The following NOX4 variants were observed in gnomAD, a reference collection of about 807,000 sequenced individuals.
The protein encoded by NOX4 is NADPH oxidase 4.
Under a neutral mutation model 87.6 loss-of-function variants are expected in NOX4, and 69 were observed. The ratio of observed to expected loss-of-function variants is 0.79; its 90% CI spans 0.65 to 0.96. The LOEUF is 0.96. NOX4 is among the 40% of genes least tolerant of loss of function. NOX4 has a pLI of 0.00. For synonymous variants in NOX4, 275 were observed against 238.2 expected, an observed-to-expected ratio of 1.15 and a Z score of -1.42; for missense variants, 680 against 681.5, an observed-to-expected ratio of 1.00 and a Z score of 0.02.
At chr11:89,487,916 C>T (rs1946695526) in intron 2 of NOX4, among the ~76,000 whole-genome samples, 1 of 152,054 alleles carries the variant, frequency 6.6e-6, no homozygotes, top group Non-Finnish European at 1.5e-5. Context: ...TAAAATTAAA[C>T]ACTACTTCAT....
upstream of NOX4, among the ~76,000 whole-genome samples, chr11:89,494,788 TG>T (rs1361761633): frequency 6.6e-6 from 1 of 152,190 alleles, no homozygotes; most frequent in African/African-American, 2.4e-5. Context: ...TTAAGACAAG[TG>T]GGCCCTTCTG....
chr11:89,341,107 T>C (rs527429721), intron 14 of NOX4, among the ~76,000 whole-genome samples: 1 of 150,908 alleles, frequency 6.6e-6, no homozygotes, highest in African/African-American at 2.4e-5. Flanking sequence ...TAGTATTTCC[T>C]GGTCAGACAA....
chr11:89,534,963 C>T, the NOX4 span, among the ~76,000 whole-genome samples: 1 of 152,168 alleles, frequency 6.6e-6, no homozygotes, highest in Non-Finnish European at 1.5e-5. Flanking sequence ...TTTTTTCCCG[C>T]AATTTTAAAG....
chr11:89,562,850 TG>T, the NOX4 span, among the ~76,000 whole-genome samples: 48 of 152,348 alleles, frequency 3.2e-4, no homozygotes, highest in East Asian at 5.2e-3. Context: ...AATCTTATCT[TG>T]AATTGTAATC....
chr11:89,353,343 G>A (rs1318098644), intron 13 of NOX4, among the ~76,000 whole-genome samples: 8 of 152,126 alleles, frequency 5.3e-5, no homozygotes, highest in Non-Finnish European at 1.2e-4. Context: ...TGCCGCAGGT[G>A]CCCCTACCTT....
intron 12 of NOX4, among the ~76,000 whole-genome samples, chr11:89,357,602 C>T (rs1324162137): frequency 6.6e-6 from 1 of 151,940 alleles, no homozygotes; most frequent in African/African-American, 2.4e-5. Context: ...AAAAATCAAG[C>T]CAAAACCCAA....
chr11:89,545,014 A>C, the NOX4 span: 1 of 152,154 alleles, frequency 6.6e-6, no homozygotes, highest in Non-Finnish European at 1.5e-5. Flanking sequence ...CTTATTTAGC[A>C]AAGTCTCATG....
At chr11:89,444,088 C>T in intron 5 of NOX4, 47 bp downstream of exon 5, 1 of 1,510,068 alleles carries the variant, frequency 6.6e-7, no homozygotes, top group Non-Finnish European at 9.2e-7. Flanking sequence ...CCTCATTAGT[C>T]ATCTCATGAC....
intron 12 of NOX4, among the ~76,000 whole-genome samples, chr11:89,363,781 C>A (rs553359962): frequency 1.3e-5 from 2 of 151,948 alleles, no homozygotes; most frequent in African/African-American, 4.8e-5. Context: ...TTAAATCAAG[C>A]GAATGTCCTT....
chr11:89,553,929 T>A, the NOX4 span, among the ~76,000 whole-genome samples: 1 of 150,950 alleles, frequency 6.6e-6, no homozygotes. Flanking sequence ...TGGAGGGAAG[T>A]GCCTACCCAA....
chr11:89,455,449 G>C (rs531191998), intron 2 of NOX4, among the ~76,000 whole-genome samples: 2 of 152,032 alleles, frequency 1.3e-5, no homozygotes, highest in East Asian at 1.9e-4. Context: ...ATTTTTTACA[G>C]CTATGTATCC....
the NOX4 span, among the ~76,000 whole-genome samples, chr11:89,552,846 T>A: frequency 6.6e-6 from 1 of 151,490 alleles, no homozygotes; most frequent in Non-Finnish European, 1.5e-5. Flanking sequence ...TGAGTCAAAA[T>A]CAGAGCGGAA....
intron 2 of NOX4, among the ~76,000 whole-genome samples, chr11:89,471,067 C>T (rs768494679): frequency 2.0e-5 from 3 of 152,078 alleles, no homozygotes; most frequent in Non-Finnish European, 4.4e-5. Flanking sequence ...GGCCCATATC[C>T]CTATCTCCAC....
At chr11:89,417,311 GA>G (rs1942836765) in intron 8 of NOX4, among the ~76,000 whole-genome samples, 1 of 152,090 alleles carries the variant, frequency 6.6e-6, no homozygotes, top group Non-Finnish European at 1.5e-5. Flanking sequence ...TTTTTCAAAA[GA>G]AAATGAGGAA....
intron 7 of NOX4, among the ~76,000 whole-genome samples, chr11:89,423,033 C>T (rs796477915): frequency 2.0e-5 from 3 of 151,924 alleles, no homozygotes; most frequent in Non-Finnish European, 4.4e-5. Flanking sequence ...CTCCTGACCT[C>T]GTGATCCACC....
the NOX4 span, among the ~76,000 whole-genome samples, chr11:89,523,715 G>A: frequency 1.3e-5 from 2 of 152,166 alleles, no homozygotes; most frequent in Non-Finnish European, 1.5e-5. Flanking sequence ...CAAATTAGAA[G>A]CAATTCAATA....
chr11:89,387,818 C>T (rs1940823868), intron 11 of NOX4, among the ~76,000 whole-genome samples: 1 of 152,250 alleles, frequency 6.6e-6, no homozygotes, highest in African/African-American at 2.4e-5. Flanking sequence ...GGTGAGAGCA[C>T]ACCTTAATAA....
At chr11:89,563,497 T>C in the NOX4 span, among the ~76,000 whole-genome samples, 2 of 152,176 alleles carry the variant, frequency 1.3e-5, no homozygotes, top group Non-Finnish European at 2.9e-5. Context: ...ACTCCAACCG[T>C]ATTTGATCTC....
intron 12 of NOX4, among the ~76,000 whole-genome samples, chr11:89,364,172 A>G (rs1312029366): frequency 6.6e-6 from 1 of 152,060 alleles, no homozygotes; most frequent in Non-Finnish European, 1.5e-5. Flanking sequence ...GCTCAAGCCC[A>G]GGATTTTGAG....
Sources: allele counts gnomAD v4.1 joint callset (sites outside exome capture counted in the v4.1 genomes callset), GRCh38; gene constraint gnomAD v4.1.1; transcripts MANE v1.5; gene names NCBI Gene and HGNC (gene_info 2026-07-23, HGNC 2026-07-21).